Variants in RBPMS observed in about 807,000 individuals in gnomAD.
RBPMS encodes RNA binding protein, mRNA processing factor, also known as RNA-binding protein with multiple splicing.
Under a neutral mutation model 26.8 loss-of-function variants are expected in RBPMS, and 7 were observed. The observed-to-expected ratio is 0.26, with a 90% CI of 0.15 to 0.49. RBPMS has a LOEUF of 0.49. Among genes scored for constraint, RBPMS ranks in the 20% least tolerant of loss-of-function variants. RBPMS has a pLI of 0.98. For missense variants in RBPMS, 186 were observed against 250.0 expected (o/e 0.74, Z 1.73); for synonymous variants, 96 against 93.3 (o/e 1.03, Z -0.17).
At chr8:30,529,737 T>C (rs2151007685) in intron 5 of RBPMS, among the ~76,000 whole-genome samples, 1 of 151,076 alleles carries the variant, frequency 6.6e-6, no homozygotes, top group East Asian at 1.9e-4. Context: ...TTGTAGCATA[T>C]ATTAGAACTT....
Position 30,510,161 on chromosome 8 carries a change from T to C in RBPMS, c.397+5725T>C, listed in dbSNP as rs183568883. ...TGCTGTAGAGCACTGTGTATTCATA[T>C]GGCACAGATACGCTTGCTAGAATCA... On this transcript the variant is annotated intron_variant, in intron 5 of 8. Coordinates refer to ENST00000397323, the MANE Select transcript of RBPMS (RefSeq NM_001008710.3). 5.7e-4 allele frequency among the ~76,000 whole-genome samples: 87 copies of C among 152,314 alleles called. 1 individual carries two copies. Among genetic ancestry groups the C allele is most frequent in the South Asian group, 4.6e-3 (22 of 4,824 alleles).
chr8:30,460,721 G>A (rs973868182), intron 1 of RBPMS, among the ~76,000 whole-genome samples: 1 of 152,110 alleles, frequency 6.6e-6, no homozygotes, highest in Non-Finnish European at 1.5e-5. Context: ...TTAAAGGGTC[G>A]TGTTTATTTT....
Position 30,385,073 on chromosome 8 carries a change from G to A in RBPMS, c.-20G>A, listed in dbSNP as rs1250964703. The A allele has an allele frequency of 6.7e-7, 1 of 1,503,492 alleles. No homozygotes were observed. The allele number at this position is 1,503,492 out of a possible 1,614,324, so 93.1% of individuals were successfully genotyped here. On this transcript the variant is annotated 5_prime_UTR_variant, in exon 1 of 9. Transcript: ENST00000397323. ...CCCGCGCCCCAGCCCTGCCCGGCCC[G>A]GCGAGGAAGGACCGGGAAGATGAAC...
chr8:30,537,539 G>T, intron 5 of RBPMS: 1 of 454,652 alleles, frequency 2.2e-6, no homozygotes, highest in Non-Finnish European at 4.4e-6. Flanking sequence ...AAGACATAGA[G>T]AATATGTCTT....
chr8:30,568,945 GCT>G (rs1828078337), intron 8 of RBPMS, among the ~76,000 whole-genome samples: 1 of 151,742 alleles, frequency 6.6e-6, no homozygotes, highest in South Asian at 2.1e-4. Flanking sequence ...AACCAGACTT[GCT>G]CCCGCCCTCC....
At chr8:30,417,591 A>G (rs1367616086) in intron 1 of RBPMS, among the ~76,000 whole-genome samples, 1 of 152,168 alleles carries the variant, frequency 6.6e-6, no homozygotes, top group Non-Finnish European at 1.5e-5. Context: ...TTCCCCCTCA[A>G]TTTCCCAACC....
chr8:30,498,043 C>G (rs1176940687), intron 4 of RBPMS, among the ~76,000 whole-genome samples: 1 of 150,016 alleles, frequency 6.7e-6, no homozygotes, highest in Middle Eastern at 3.2e-3. Context: ...TTGAAGAAGT[C>G]TTTCAGCCTA....
At position 30,384,900 on chromosome 8, in the gene RBPMS, C is replaced by G. The variant is rs553201780; in HGVS notation, c.-193C>G. ...TTCCTGAGTCGCCCGCCGCCGCCGT[C>G]GCAGACTCGCCGCGGGAGCCCCAGC... On this transcript the variant is annotated 5_prime_UTR_variant, in exon 1 of 9. Coordinates refer to ENST00000397323, the MANE Select transcript of RBPMS (RefSeq NM_001008710.3). The surrounding 1 kb of genome is among the most constrained non-coding windows in gnomAD (Gnocchi z 5.6). 2.7e-6 allele frequency: 1 copy of G among 367,670 alleles called. No homozygotes were observed. The highest frequency in any genetic ancestry group is 4.8e-5 in the Admixed American group (1 of 20,888). 22.8% of individuals were successfully genotyped at this position (367,670 alleles called of 1,614,324 possible). A position where few individuals can be genotyped will look rare whatever the true frequency, so the allele number is the denominator to read the frequency against.
chr8:30,429,493 C>T (rs1236696876), intron 1 of RBPMS, among the ~76,000 whole-genome samples: 3 of 152,178 alleles, frequency 2.0e-5, no homozygotes, highest in African/African-American at 7.2e-5. Flanking sequence ...TGTTAGAAGC[C>T]TCAACCACCC....
intron 1 of RBPMS, chr8:30,453,644 T>C (rs1814865875): frequency 6.6e-6 from 1 of 152,216 alleles, no homozygotes; most frequent in South Asian, 2.1e-4. Flanking sequence ...ATTGCAAATC[T>C]GTTTCTTATA....
chr8:30,422,649 A>G (rs557684541), intron 1 of RBPMS, among the ~76,000 whole-genome samples: 90 of 152,278 alleles, frequency 5.9e-4, no homozygotes, highest in Non-Finnish European at 1.1e-3. Context: ...GGAACTTAAT[A>G]ATGTACAAGA....
chr8:30,445,999 AAG>A (rs1199180854), intron 1 of RBPMS, among the ~76,000 whole-genome samples: 1 of 152,188 alleles, frequency 6.6e-6, no homozygotes, highest in East Asian at 1.9e-4. Context: ...TTGCTAAAGA[AAG>A]AGACAATGAA....
chr8:30,428,671 G>A (rs952933135), intron 1 of RBPMS, among the ~76,000 whole-genome samples: 6 of 151,960 alleles, frequency 3.9e-5, no homozygotes, highest in Non-Finnish European at 8.8e-5. Flanking sequence ...AGAGAGGTTC[G>A]GTAGGACACT....
intron 3 of RBPMS, 82 bp from the exon 4 acceptor site, chr8:30,479,233 C>A: frequency 1.0e-6 from 1 of 984,982 alleles, no homozygotes; most frequent in South Asian, 1.4e-5. Context: ...TATCTTAGCT[C>A]TTCAGTTTGA....
intron 5 of RBPMS, among the ~76,000 whole-genome samples, chr8:30,531,699 G>A (rs1327695784): frequency 1.3e-5 from 2 of 152,210 alleles, no homozygotes; most frequent in African/African-American, 2.4e-5. Context: ...TTACCGGAAA[G>A]TCAACAGTGT....
chr8:30,459,090 A>C (rs1349256305), intron 1 of RBPMS, among the ~76,000 whole-genome samples: 1 of 151,708 alleles, frequency 6.6e-6, no homozygotes, highest in East Asian at 1.9e-4. Flanking sequence ...CAGCCTCCTA[A>C]GTAGCTGGGA....
At chr8:30,459,015 G>T (rs188395292) in intron 1 of RBPMS, among the ~76,000 whole-genome samples, 101 of 151,066 alleles carry the variant, frequency 6.7e-4, no homozygotes, top group African/African-American at 2.3e-3. Flanking sequence ...CCAAGCTGGG[G>T]TGCAGTGGCA....
At chr8:30,498,228 T>C (rs1585667379) in intron 4 of RBPMS, among the ~76,000 whole-genome samples, 1 of 152,042 alleles carries the variant, frequency 6.6e-6, no homozygotes, top group African/African-American at 2.4e-5. Flanking sequence ...CTTGTGGCTG[T>C]ATCCCAGAGG....
chr8:30,544,612 A>T lies in RBPMS; in HGVS notation c.516A>T (p.Ser172=), dbSNP rs774476635. ...CTCCTGCTTTCACCTATCCCGCTTC[A>T]CTGCATGCCCAGGTAATTGATACCC... ...LPPPAFTYPA[S]LHAQMRWLPP... The change falls in exon 6 of 9, where the codon TCA becomes TCT. Residue 172 remains serine, a synonymous_variant. Transcript: ENST00000397323. The T allele has an allele frequency of 6.2e-7, 1 of 1,614,048 alleles. No homozygotes were observed. Among genetic ancestry groups the T allele is most frequent in the Non-Finnish European group, 8.5e-7 (1 of 1,180,014 alleles).
Sources: allele counts gnomAD v4.1 joint callset (sites outside exome capture counted in the v4.1 genomes callset), GRCh38; gene constraint gnomAD v4.1.1; non-coding constraint Gnocchi (gnomAD v3.1); transcripts MANE v1.5; gene names NCBI Gene and HGNC (gene_info 2026-07-23, HGNC 2026-07-21).